The following ITPR2 variants were observed in gnomAD, a reference collection of about 807,000 sequenced individuals.
ITPR2 encodes the protein inositol 1,4,5-trisphosphate-gated calcium channel ITPR2.
Under a neutral mutation model 317.1 loss-of-function variants are expected in ITPR2, and 207 were observed. That is an observed-to-expected ratio of 0.65 (90% CI 0.58 to 0.73). The LOEUF (loss-of-function observed/expected upper bound fraction) is 0.73. ITPR2 is among the 30% of genes least tolerant of loss of function. The probability of loss-of-function intolerance (pLI) is 0.00; values close to 1 mark genes in which losing one functional copy is unlikely to be tolerated. For missense variants in ITPR2, 2,613 were observed against 3,284.0 expected (o/e 0.80, Z 4.99); for synonymous variants, 1,156 against 1,149.1 (o/e 1.01, Z -0.12).
chr12:26,621,342 G>A, intron 25 of ITPR2, 46 bp from the exon 26 acceptor site: 7 of 1,376,170 alleles, frequency 5.1e-6, no homozygotes, highest in Non-Finnish European at 7.1e-6. Flanking sequence ...ACTATTTCTA[G>A]AATATTTATG....
At chr12:26,648,359 T>A (rs1947163468) in intron 21 of ITPR2, among the ~76,000 whole-genome samples, 1 of 152,100 alleles carries the variant, frequency 6.6e-6, no homozygotes, top group Admixed American at 6.6e-5. Context: ...ACCCCAACTG[T>A]GCTGGAGAAA....
intron 1 of ITPR2, among the ~76,000 whole-genome samples, chr12:26,825,715 T>C (rs1950999680): frequency 1.3e-5 from 2 of 152,212 alleles, no homozygotes; most frequent in Non-Finnish European, 2.9e-5. Context: ...ATTTATAGAA[T>C]GACTTTTAGG....
At chr12:26,658,979 A>T (rs1369399973) in intron 16 of ITPR2, 134 bp downstream of exon 16, 2 of 625,570 alleles carry the variant, frequency 3.2e-6, no homozygotes, top group Non-Finnish European at 2.7e-6. Flanking sequence ...TACAATTATT[A>T]TAGCAATAAG....
chr12:26,653,472 C>T (rs945687884), intron 21 of ITPR2, among the ~76,000 whole-genome samples: 2 of 152,118 alleles, frequency 1.3e-5, no homozygotes, highest in African/African-American at 4.8e-5. Flanking sequence ...GATCTCCTGA[C>T]CTCATGATCT....
intron 37 of ITPR2, among the ~76,000 whole-genome samples, chr12:26,526,024 C>T (rs1943801640): frequency 6.6e-6 from 1 of 152,158 alleles, no homozygotes; most frequent in Admixed American, 6.6e-5. Context: ...ACTTTATCTC[C>T]AGCTCTTTGC....
intron 37 of ITPR2, among the ~76,000 whole-genome samples, chr12:26,535,442 C>T (rs577296057): frequency 6.6e-6 from 1 of 152,290 alleles, no homozygotes; most frequent in Admixed American, 6.5e-5. Flanking sequence ...CAATTATCTT[C>T]CCATGAAAAA....
chr12:26,725,943 A>G, intron 2 of ITPR2, 178 bp from the exon 3 acceptor site: 2 of 483,468 alleles, frequency 4.1e-6, no homozygotes, highest in Non-Finnish European at 7.3e-6. Flanking sequence ...TCAAATAATT[A>G]TCTAGACTCA....
chr12:26,671,271 AG>A (rs1312748995), intron 13 of ITPR2, among the ~76,000 whole-genome samples: 1 of 152,178 alleles, frequency 6.6e-6, no homozygotes, highest in Non-Finnish European at 1.5e-5. Context: ...GTTGAAATGA[AG>A]GAAAAAATGT....
At chr12:26,643,649 G>A (rs755809075) in intron 21 of ITPR2, among the ~76,000 whole-genome samples, 2 of 152,208 alleles carry the variant, frequency 1.3e-5, no homozygotes, top group South Asian at 2.1e-4. Context: ...GGAAACTACA[G>A]AAGAGCCATC....
Position 26,695,742 on chromosome 12 carries a change from C to A in ITPR2, c.952-92G>T, listed in dbSNP as rs1948332306. 5 of 780,018 alleles carry A rather than the reference C, an allele frequency of 6.4e-6. No homozygotes were observed. The South Asian group carries it at 8.1e-5, about 13-fold the overall frequency. The allele number at this position is 780,018 out of a possible 1,614,324, so 48.3% of individuals were successfully genotyped here. On this transcript the variant is annotated intron_variant, in intron 9 of 56. Coordinates refer to ENST00000381340, the MANE Select transcript of ITPR2 (RefSeq NM_002223.4). ...TTCAATTCAATTAATATTCTATCCT[C>A]AACTAAGTTTAATATAAAAAGATGC...
intron 2 of ITPR2, among the ~76,000 whole-genome samples, chr12:26,742,858 T>C (rs1949257138): frequency 6.7e-6 from 1 of 149,534 alleles, no homozygotes; most frequent in Admixed American, 6.7e-5. Context: ...TGCTAAAACA[T>C]GGACAAACTT....
At position 26,599,367 on chromosome 12, in the gene ITPR2, C is replaced by T. The variant is rs748840628; in HGVS notation, c.3802-22G>A. 6 of 1,606,660 alleles carry T rather than the reference C, an allele frequency of 3.7e-6. No homozygotes were observed. The South Asian group carries it at 6.6e-5, about 18-fold the overall frequency. On this transcript the variant is annotated intron_variant, in intron 29 of 56. Coordinates refer to ENST00000381340, the MANE Select transcript of ITPR2 (RefSeq NM_002223.4). ...GGAGCTAAACACAGAGGAACATGCC[C>T]TTGTAATTCTGACAAGATCAATTTT...
At chr12:26,829,517 T>G (rs1951066205) in intron 1 of ITPR2, among the ~76,000 whole-genome samples, 1 of 152,142 alleles carries the variant, frequency 6.6e-6, no homozygotes, top group Non-Finnish European at 1.5e-5. Flanking sequence ...ATTTTTTATA[T>G]TTTTTGTACA....
Position 26,436,329 on chromosome 12 carries a change from A to C in ITPR2, c.6661T>G (p.Trp2221Gly), listed in dbSNP as rs921629470. 1 of 1,612,498 alleles carries C rather than the reference A, an allele frequency of 6.2e-7. No homozygotes were observed. The highest frequency in any genetic ancestry group is 8.5e-7 in the Non-Finnish European group (1 of 1,179,430). The change falls in exon 48 of 57, where the codon TGG becomes GGG. Residue 2221 changes from tryptophan to glycine, a missense_variant. Trp to Gly is a radical substitution (Grantham distance 184). This residue lies in a region of ITPR2 where 926 missense variants were observed against 1,072.8 expected (regional missense o/e 0.86). Coordinates refer to ENST00000381340, the MANE Select transcript of ITPR2 (RefSeq NM_002223.4). ...CAGAGAGAGATGTGCCTCGAGAACC[A>C]GAACAGTGCAGGGTTATCTAGGAAG... ...KKIRNNPALF[W>G]FSRHISLWGS...
intron 37 of ITPR2, among the ~76,000 whole-genome samples, chr12:26,519,245 TATC>T (rs375833968): frequency 8.5e-5 from 13 of 152,302 alleles, no homozygotes; most frequent in African/African-American, 3.1e-4. Flanking sequence ...TTTTTATAAA[TATC>T]ATTGTGTACA....
chr12:26,781,990 CTGTATATATATATA>C (rs1223916994), intron 2 of ITPR2, among the ~76,000 whole-genome samples: 4 of 60,316 alleles, frequency 6.6e-5, no homozygotes, highest in African/African-American at 2.7e-4. Context: ...ATAAACTCCC[CTGTATATATATATA>C]TATATATATA....
intron 1 of ITPR2, among the ~76,000 whole-genome samples, chr12:26,806,977 T>C (rs952368030): frequency 6.6e-6 from 1 of 152,168 alleles, no homozygotes; most frequent in African/African-American, 2.4e-5. Flanking sequence ...AATATATATA[T>C]ATGCACTATT....
At chr12:26,614,849 G>A (rs1338677724) in intron 26 of ITPR2, among the ~76,000 whole-genome samples, 1 of 152,140 alleles carries the variant, frequency 6.6e-6, no homozygotes, top group Non-Finnish European at 1.5e-5. Flanking sequence ...GGGCAATGAA[G>A]CTATTCTGTT....
intron 13 of ITPR2, among the ~76,000 whole-genome samples, chr12:26,668,371 T>C (rs1266623996): frequency 2.0e-5 from 3 of 152,172 alleles, no homozygotes; most frequent in Non-Finnish European, 4.4e-5. Flanking sequence ...AAACAACAGA[T>C]ACACATGGAT....
Sources: allele counts gnomAD v4.1 joint callset (sites outside exome capture counted in the v4.1 genomes callset), GRCh38; gene constraint gnomAD v4.1.1; regional missense constraint gnomAD v4.1.1; transcripts MANE v1.5; gene names NCBI Gene and HGNC (gene_info 2026-07-23, HGNC 2026-07-21).